ST3GAL3: variants seen among roughly 807,000 people sequenced by gnomAD.
ST3GAL3 encodes ST3 beta-galactoside alpha-2,3-sialyltransferase 3.
In ST3GAL3, 21 loss-of-function variants were observed where a neutral mutation model predicts 50.1. The observed-to-expected ratio is 0.42, with a 90% CI of 0.30 to 0.60. The LOEUF (loss-of-function observed/expected upper bound fraction) is 0.60. ST3GAL3 is among the 20% of genes least tolerant of loss of function. The pLI is 0.19. For missense variants in ST3GAL3, 353 were observed against 489.4 expected (o/e 0.72, Z 2.63); for synonymous variants, 183 against 190.0 (o/e 0.96, Z 0.30).
chr1:43,838,608 C>T, intron 5 of ST3GAL3: 1 of 393,642 alleles, frequency 2.5e-6, no homozygotes, highest in Non-Finnish European at 4.9e-6. Flanking sequence ...GAGAAGGCTG[C>T]CAAGCACAGA....
intron 2 of ST3GAL3, among the ~76,000 whole-genome samples, chr1:43,749,365 G>T (rs1246373420): frequency 6.6e-6 from 1 of 152,160 alleles, no homozygotes; most frequent in Non-Finnish European, 1.5e-5. Flanking sequence ...TAAATAAAAA[G>T]CAAGCCACAT....
intron 9 of ST3GAL3, among the ~76,000 whole-genome samples, chr1:43,902,037 A>T (rs1267430514): frequency 6.6e-6 from 1 of 152,178 alleles, no homozygotes; most frequent in African/African-American, 2.4e-5. Flanking sequence ...GCCCAAGGCT[A>T]ATGCCTTCCC....
intron 1 of ST3GAL3, among the ~76,000 whole-genome samples, chr1:43,732,743 A>G (rs59117273): frequency 0.015 from 2,231 of 152,270 alleles, 45 homozygotes; most frequent in African/African-American, 0.052. Flanking sequence ...TTATACTCAG[A>G]GTTGCTAATG....
intron 9 of ST3GAL3, among the ~76,000 whole-genome samples, chr1:43,907,637 C>T (rs953443352): frequency 6.6e-6 from 1 of 152,198 alleles, no homozygotes; most frequent in African/African-American, 2.4e-5. Flanking sequence ...CCATTCATCC[C>T]TGCTTCCTCC....
intron 1 of ST3GAL3, among the ~76,000 whole-genome samples, chr1:43,733,530 A>G (rs1676857878): frequency 6.6e-6 from 1 of 152,204 alleles, no homozygotes; most frequent in Non-Finnish European, 1.5e-5. Context: ...TCTATTTGAG[A>G]TAACATATTT....
chr1:43,755,954 A>G (rs1687880697), intron 2 of ST3GAL3, among the ~76,000 whole-genome samples: 1 of 151,988 alleles, frequency 6.6e-6, no homozygotes, highest in African/African-American at 2.4e-5. Context: ...ATAAAAAATT[A>G]GCCTGGCATG....
chr1:43,746,831 C>T (rs554348424), intron 2 of ST3GAL3, among the ~76,000 whole-genome samples: 1 of 150,360 alleles, frequency 6.7e-6, no homozygotes, highest in Non-Finnish European at 1.5e-5. Flanking sequence ...GGCGCCATCT[C>T]GGCTCACTGC....
chr1:43,782,846 G>A lies in ST3GAL3; in HGVS notation c.119-9256G>A, dbSNP rs544006644. Among the ~76,000 whole-genome samples, 11 of 152,082 alleles carry A rather than the reference G, an allele frequency of 7.2e-5. No homozygotes were observed. The South Asian group carries it at 1.0e-3, about 14-fold the overall frequency. ...TTTCAAAAGATCAGTGTCAAAATTC[G>A]TTTGGCAGTAAAATCTGACCTGAAA... On this transcript the variant is annotated intron_variant, in intron 2 of 11. Transcript: ENST00000347631.
intron 5 of ST3GAL3, chr1:43,851,382 G>A (rs1224101987): frequency 5.0e-6 from 8 of 1,603,126 alleles, no homozygotes; most frequent in Non-Finnish European, 6.8e-6. Flanking sequence ...AGGGGAGCCT[G>A]AGCAAGGCTG....
chr1:43,920,184 T>C (rs1238981126), intron 9 of ST3GAL3: 19 of 607,640 alleles, frequency 3.1e-5, no homozygotes, highest in Non-Finnish European at 4.8e-5. Context: ...TGTTACACAC[T>C]GGAGCCCCAC....
Position 43,929,271 on chromosome 1 carries a change from T to C in ST3GAL3, c.1039-861T>C, listed in dbSNP as rs58430671. Among the ~76,000 whole-genome samples, 164 of 152,092 alleles carry C rather than the reference T, an allele frequency of 1.1e-3. 2 individuals are homozygous for C. The highest frequency in any genetic ancestry group is 3.7e-3 in the African/African-American group (153 of 41,462). On this transcript the variant is annotated intron_variant, in intron 11 of 11. Transcript: ENST00000347631. ...AACATCACATTCTACCCCAAAAATA[T>C]GTACAATTCTTTCAATTAAAAAATT...
chr1:43,917,528 T>TTATATAATATATTATGTATTA (rs2082120420), intron 9 of ST3GAL3, among the ~76,000 whole-genome samples: 4 of 68,530 alleles, frequency 5.8e-5, no homozygotes, highest in African/African-American at 2.1e-4. Flanking sequence ...ATATATTATA[T>TTATATAATATATTATGTATTA]TATATAATAT....
At chr1:43,745,348 T>C (rs1221172275) in intron 2 of ST3GAL3, among the ~76,000 whole-genome samples, 3 of 152,116 alleles carry the variant, frequency 2.0e-5, no homozygotes, top group Non-Finnish European at 4.4e-5. Context: ...AAGAAGTAAG[T>C]GGGAAACAAG....
intron 9 of ST3GAL3, among the ~76,000 whole-genome samples, chr1:43,905,205 C>T (rs1294256407): frequency 6.2e-4 from 66 of 107,150 alleles, no homozygotes; most frequent in African/African-American, 1.0e-3. Flanking sequence ...CTCTTCCTCC[C>T]CCTCCTCCTG....
chr1:43,712,611 T>C (rs1327032786), intron 1 of ST3GAL3, among the ~76,000 whole-genome samples: 1 of 152,214 alleles, frequency 6.6e-6, no homozygotes, highest in Admixed American at 6.5e-5. Flanking sequence ...TTGAGGGTCT[T>C]GTGGGATCTT....
chr1:43,867,320 A>G (rs1166883920), intron 5 of ST3GAL3, among the ~76,000 whole-genome samples: 1 of 152,206 alleles, frequency 6.6e-6, no homozygotes. Context: ...GGAAAATTGG[A>G]GGTGCCATTG....
At chr1:43,728,911 A>G (rs1390661443) in intron 1 of ST3GAL3, among the ~76,000 whole-genome samples, 1 of 152,028 alleles carries the variant, frequency 6.6e-6, no homozygotes, top group Non-Finnish European at 1.5e-5. Context: ...TCGTTTTGAG[A>G]CAGAGTCTCT....
At chr1:43,717,001 T>A (rs1325538153) in intron 1 of ST3GAL3, among the ~76,000 whole-genome samples, 4 of 152,212 alleles carry the variant, frequency 2.6e-5, no homozygotes, top group Non-Finnish European at 5.9e-5. Flanking sequence ...CATTTGTTTA[T>A]GTACGTGGTT....
intron 3 of ST3GAL3, among the ~76,000 whole-genome samples, chr1:43,802,812 A>G (rs1443216384): frequency 2.0e-5 from 3 of 152,388 alleles, no homozygotes; most frequent in African/African-American, 7.2e-5. Context: ...AATAACTGAC[A>G]GTATTTTGTT....
Sources: allele counts gnomAD v4.1 joint callset (sites outside exome capture counted in the v4.1 genomes callset), GRCh38; gene constraint gnomAD v4.1.1; transcripts MANE v1.5; gene names NCBI Gene and HGNC (gene_info 2026-07-23, HGNC 2026-07-21).